THADA: variants seen among roughly 807,000 people sequenced by gnomAD.
The protein encoded by THADA is tRNA (32-2'-O)-methyltransferase regulator THADA.
In THADA, 213 loss-of-function variants were observed where a neutral mutation model predicts 219.8. That is an observed-to-expected ratio of 0.97 (90% CI 0.87 to 1.09). The LOEUF is 1.09. Among genes scored for constraint, THADA ranks in the 50% least tolerant of loss-of-function variants. THADA has a pLI of 0.00. For missense variants in THADA, 2,956 were observed against 2,311.3 expected, an observed-to-expected ratio of 1.28 and a Z score of -5.72; for synonymous variants, 1,018 against 828.9, an observed-to-expected ratio of 1.23 and a Z score of -3.92.
chr2:43,400,478 A>ATATATATATATATATATATATATATATAT lies in THADA; in HGVS notation c.4059-2340_4059-2339insATATATATATATATATATATATATATATA, dbSNP rs10687373. 1.1e-3 allele frequency among the ~76,000 whole-genome samples: 128 copies of ATATATATATATATATATATATATATATAT among 116,922 alleles called. 4 individuals are homozygous for ATATATATATATATATATATATATATATAT. The highest frequency in any genetic ancestry group is 1.5e-3 in the South Asian group (6 of 4,048). The allele number at this position is 116,922 out of a possible 152,430, so 76.7% of individuals were successfully genotyped here. A position where few individuals can be genotyped will look rare whatever the true frequency, so the allele number is the denominator to read the frequency against. Reference sequence around the variant, plus strand: ...AAATTTATATATATATATATATATAAATATATACACTAAGAAAAAAAATTT... The same window carrying ATATATATATATATATATATATATATATAT: ...AAATTTATATATATATATATATATAATATATATATATATATATATATATATATATATATATACACTAAGAAAAAAAATTT... On this transcript the variant is annotated intron_variant, in intron 28 of 37. Transcript: ENST00000405975.
intron 26 of THADA, among the ~76,000 whole-genome samples, chr2:43,463,721 C>T (rs72881068): frequency 0.17 from 26,150 of 152,014 alleles, 3,224 homozygotes; most frequent in African/African-American, 0.35. Flanking sequence ...TGGTGCACCA[C>T]GATCTTTTCA....
intron 10 of THADA, among the ~76,000 whole-genome samples, chr2:43,576,589 T>C (rs1040380491): frequency 2.0e-5 from 3 of 152,224 alleles, no homozygotes; most frequent in Non-Finnish European, 2.9e-5. Context: ...TTAAAAACGA[T>C]AACATTGAAA....
intron 22 of THADA, among the ~76,000 whole-genome samples, chr2:43,519,433 C>T (rs1692131050): frequency 6.6e-6 from 1 of 152,118 alleles, no homozygotes; most frequent in Non-Finnish European, 1.5e-5. Flanking sequence ...TTTGAAAATT[C>T]AATGAACATT....
At chr2:43,413,608 G>A (rs1294368607) in intron 28 of THADA, among the ~76,000 whole-genome samples, 4 of 152,182 alleles carry the variant, frequency 2.6e-5, no homozygotes, top group Non-Finnish European at 5.9e-5. Flanking sequence ...GCCATCAAGT[G>A]ACCCATTGCC....
chr2:43,495,806 C>A (rs961874011), intron 25 of THADA, among the ~76,000 whole-genome samples: 1 of 152,158 alleles, frequency 6.6e-6, no homozygotes, highest in Non-Finnish European at 1.5e-5. Context: ...TCCAGTATTC[C>A]TGATGGTCAA....
At chr2:43,549,484 T>C (rs1274142942) in intron 19 of THADA, 116 bp from the exon 20 acceptor site, 1 of 1,027,692 alleles carries the variant, frequency 9.7e-7, no homozygotes, top group Non-Finnish European at 1.4e-6. Flanking sequence ...TCAGCTTTAT[T>C]AGAAGGGACT....
intron 31 of THADA, among the ~76,000 whole-genome samples, chr2:43,304,898 C>G (rs1170216413): frequency 6.6e-6 from 1 of 152,152 alleles, no homozygotes; most frequent in Non-Finnish European, 1.5e-5. Context: ...TCTTGAACTC[C>G]TGACCTCAGG....
intron 21 of THADA, among the ~76,000 whole-genome samples, chr2:43,535,449 C>T (rs1469800572): frequency 2.0e-5 from 3 of 151,262 alleles, no homozygotes; most frequent in African/African-American, 4.9e-5. Context: ...GAGTCCACGT[C>T]GGGCAGATCA....
intron 36 of THADA, among the ~76,000 whole-genome samples, chr2:43,235,810 C>A (rs1006303616): frequency 1.3e-5 from 2 of 151,194 alleles, no homozygotes; most frequent in Non-Finnish European, 2.9e-5. Flanking sequence ...CTATCCTGCA[C>A]CATTTTTTTT....
intron 26 of THADA, among the ~76,000 whole-genome samples, chr2:43,472,522 A>G (rs1162218084): frequency 1.3e-5 from 2 of 152,248 alleles, no homozygotes; most frequent in Non-Finnish European, 2.9e-5. Flanking sequence ...TGGCTTAATT[A>G]AAGCATGAAA....
intron 23 of THADA, among the ~76,000 whole-genome samples, chr2:43,506,790 A>G (rs1689729797): frequency 2.6e-5 from 4 of 152,212 alleles, no homozygotes; most frequent in Non-Finnish European, 5.9e-5. Context: ...CCCTTTCTCC[A>G]TGTCTACTTT....
At position 43,556,321 on chromosome 2, in the gene THADA, A is replaced by G. The variant is rs377174548; in HGVS notation, c.2674+24T>C. 2.5e-5 allele frequency: 40 copies of G among 1,610,106 alleles called. No individual in the cohort carries two copies. In the Admixed American group the frequency reaches 3.5e-4, roughly 14 times the overall value. On this transcript the variant is annotated intron_variant, in intron 17 of 37. Coordinates refer to ENST00000405975, the MANE Select transcript of THADA (RefSeq NM_022065.5). ...TACTGAGACTAAGCTATTCGTTTTG[A>G]TAAGAGCAAACATCAATACAAACCC...
At chr2:43,374,446 C>G (rs924228680) in intron 29 of THADA, among the ~76,000 whole-genome samples, 1 of 152,126 alleles carries the variant, frequency 6.6e-6, no homozygotes, top group Admixed American at 6.5e-5. Context: ...GTAAGTGCAT[C>G]TAAGTGTTTG....
intron 25 of THADA, among the ~76,000 whole-genome samples, chr2:43,490,459 T>A (rs1687489492): frequency 1.3e-5 from 2 of 152,218 alleles, no homozygotes; most frequent in South Asian, 4.1e-4. Context: ...AGTATATTGT[T>A]GACTCTGGAT....
chr2:43,537,617 G>T (rs576093925), intron 21 of THADA, among the ~76,000 whole-genome samples: 16 of 152,208 alleles, frequency 1.1e-4, no homozygotes, highest in African/African-American at 3.6e-4. Context: ...CACTACTGAG[G>T]GAATACATCA....
rs1695271114 is a variant in THADA at position 43,541,284 on chromosome 2, G to A, written c.3139C>T (p.Gln1047Ter). The change falls in exon 21 of 38, where the codon CAG (glutamine) becomes TAG (stop). Residue 1047 changes from glutamine to a stop codon, truncating the protein, a stop_gained. Coordinates refer to ENST00000405975, the MANE Select transcript of THADA (RefSeq NM_022065.5). LOFTEE classifies it high-confidence loss of function. The part of the protein sequence containing the change: ...KEVKTCDVTA[Q>*]MVLVCCWRSM... ...CTCCAACAACATACCAGCACCATCT[G>A]CGCAGTTACATCACATGTTTTTACT... The A allele has an allele frequency of 1.2e-6, 2 of 1,613,206 alleles. No individual in the cohort carries two copies. Among genetic ancestry groups the A allele is most frequent in the Non-Finnish European group, 1.7e-6 (2 of 1,179,564 alleles).
At chr2:43,240,264 T>G (rs914991598) in intron 36 of THADA, among the ~76,000 whole-genome samples, 3 of 152,172 alleles carry the variant, frequency 2.0e-5, no homozygotes, top group Admixed American at 6.5e-5. Flanking sequence ...TGGGGTGGCC[T>G]GGGCAGCAAA....
chr2:43,575,502 T>C (rs1230540483), intron 10 of THADA, among the ~76,000 whole-genome samples: 1 of 152,122 alleles, frequency 6.6e-6, no homozygotes, highest in Non-Finnish European at 1.5e-5. Context: ...ATGATGGAAA[T>C]ATTCACTACC....
intron 31 of THADA, among the ~76,000 whole-genome samples, chr2:43,308,096 C>T (rs1677067797): frequency 6.6e-6 from 1 of 152,136 alleles, no homozygotes; most frequent in Admixed American, 6.5e-5. Flanking sequence ...TGGCTCACAT[C>T]TGTAATTCCA....
Sources: gnomAD v4.1 joint callset for allele counts (sites outside exome capture counted in the v4.1 genomes callset) on GRCh38, gnomAD v4.1.1 for gene constraint, MANE v1.5 for transcripts, NCBI Gene and HGNC (gene_info 2026-07-23, HGNC 2026-07-21) for gene names.